POLN: variants seen among roughly 807,000 people sequenced by gnomAD.
The protein encoded by POLN is DNA polymerase nu.
In POLN, 108 loss-of-function variants were observed where a neutral mutation model predicts 113.5. The ratio of observed to expected loss-of-function variants is 0.95; its 90% CI spans 0.81 to 1.12. The LOEUF (loss-of-function observed/expected upper bound fraction) is 1.12. Ranked by LOEUF, POLN falls within the 50% of genes most tolerant of loss-of-function variation. The probability of loss-of-function intolerance (pLI) is 0.00; values close to 1 mark genes in which losing one functional copy is unlikely to be tolerated. For synonymous variants in POLN, 386 were observed against 391.5 expected, an observed-to-expected ratio of 0.99 and a Z score of 0.17; for missense variants, 1,097 against 1,077.1, an observed-to-expected ratio of 1.02 and a Z score of -0.26.
At chr4:2,072,688 T>C (rs1197380818) in intron 25 of POLN, among the ~76,000 whole-genome samples, 1 of 152,090 alleles carries the variant, frequency 6.6e-6, no homozygotes, top group Non-Finnish European at 1.5e-5. Context: ...AGGAGAGCCC[T>C]CCCGGGGGTC....
chr4:2,232,093 A>G (rs1229580497), intron 2 of POLN: 6 of 1,604,646 alleles, frequency 3.7e-6, no homozygotes, highest in South Asian at 1.1e-5. Context: ...ATCAGCAAGA[A>G]TATCAGTGAG....
chr4:2,074,451 TG>T (rs1182238062), intron 24 of POLN, among the ~76,000 whole-genome samples: 1 of 152,242 alleles, frequency 6.6e-6, no homozygotes, highest in Non-Finnish European at 1.5e-5. Context: ...CAAGGCCGTT[TG>T]GGAACGTTTT....
intron 13 of POLN, among the ~76,000 whole-genome samples, chr4:2,165,000 C>T (rs1431034259): frequency 2.0e-5 from 3 of 151,922 alleles, no homozygotes; most frequent in African/African-American, 7.3e-5. Flanking sequence ...GGTGCAGCTA[C>T]CCAGGAAGAC....
chr4:2,104,187 C>G (rs1730992757), intron 19 of POLN, among the ~76,000 whole-genome samples: 1 of 152,142 alleles, frequency 6.6e-6, no homozygotes, highest in African/African-American at 2.4e-5. Context: ...ATGACAGGAA[C>G]AAAACCTCAC....
At chr4:2,199,481 C>G (rs974968223) in intron 5 of POLN, among the ~76,000 whole-genome samples, 1 of 151,860 alleles carries the variant, frequency 6.6e-6, no homozygotes, top group Non-Finnish European at 1.5e-5. Flanking sequence ...GGGTGGGTGG[C>G]GAGAGAACAC....
At chr4:2,201,307 G>C (rs61792574) in intron 5 of POLN, among the ~76,000 whole-genome samples, 2 of 89,984 alleles carry the variant, frequency 2.2e-5, no homozygotes, top group South Asian at 3.2e-4. Context: ...AAAAAAACGA[G>C]GGGAGAAATT....
At chr4:2,181,122 G>A (rs1276462253) in intron 7 of POLN, among the ~76,000 whole-genome samples, 1 of 151,534 alleles carries the variant, frequency 6.6e-6, no homozygotes, top group Non-Finnish European at 1.5e-5. Context: ...AAAGAATTAA[G>A]GAAAGGGAAT....
At chr4:2,181,163 G>C (rs553189382) in intron 7 of POLN, among the ~76,000 whole-genome samples, 4 of 151,950 alleles carry the variant, frequency 2.6e-5, no homozygotes, top group South Asian at 4.1e-4. Flanking sequence ...TTGTTTTTTT[G>C]AGATGGAGTC....
rs35467991 is a variant in POLN at position 2,093,472 on chromosome 4, G to A, written c.2065+2379C>T. Among the ~76,000 whole-genome samples, 1,117 of 152,328 alleles carry A rather than the reference G, an allele frequency of 7.3e-3. 4 individuals carry two copies. Among genetic ancestry groups the A allele is most frequent in the Non-Finnish European group, 0.012 (810 of 68,022 alleles). On this transcript the variant is annotated intron_variant, in intron 20 of 25. Coordinates refer to ENST00000511885, the MANE Select transcript of POLN (RefSeq NM_181808.4). This position sits in a 1 kb window ranked among gnomAD's most constrained non-coding sequence, Gnocchi z 4.1. ...CCAGGAGGAGATGGCACAGGGAGGC[G>A]GAGGGCCTTGCACAAGGCCACACAG... is the stretch of plus-strand genomic sequence containing the variant.
intron 8 of POLN, among the ~76,000 whole-genome samples, chr4:2,179,049 C>A (rs1452435382): frequency 1.3e-5 from 2 of 152,164 alleles, no homozygotes; most frequent in Non-Finnish European, 2.9e-5. Flanking sequence ...GCAGGTGACA[C>A]TGACATCAGA....
Position 2,220,482 on chromosome 4 carries a change from G to A in POLN, c.134-7356C>T, listed in dbSNP as rs575258019. On this transcript the variant is annotated intron_variant, in intron 3 of 25. Coordinates refer to ENST00000511885, the MANE Select transcript of POLN (RefSeq NM_181808.4). ...GGGTTCCCACTTGCCAGACTGACTG[G>A]CACTTCAGCCAACTTCTTGGCCACC... is the stretch of plus-strand genomic sequence containing the variant. Among the ~76,000 whole-genome samples the A allele has an allele frequency of 1.2e-4, 19 of 152,328 alleles. No homozygotes were observed. In the South Asian group the frequency reaches 3.5e-3, roughly 28 times the overall value.
intron 3 of POLN, among the ~76,000 whole-genome samples, chr4:2,215,354 G>A (rs111967332): frequency 3.3e-4 from 50 of 152,144 alleles, no homozygotes; most frequent in African/African-American, 1.2e-3. Context: ...CATAACACTC[G>A]GGTACCCTGG....
At chr4:2,236,337 G>A (rs775857869) in intron 2 of POLN, 13 of 1,612,520 alleles carry the variant, frequency 8.1e-6, no homozygotes, top group Non-Finnish European at 1.0e-5. Flanking sequence ...AGCAGATACT[G>A]CCAACTGATC....
intron 2 of POLN, chr4:2,240,377 A>T: frequency 6.2e-7 from 1 of 1,607,612 alleles, no homozygotes; most frequent in Admixed American, 1.7e-5. Flanking sequence ...ATACCAGTGG[A>T]TTTGTCCCTT....
intron 5 of POLN, among the ~76,000 whole-genome samples, chr4:2,202,957 C>A (rs1242486585): frequency 6.6e-6 from 1 of 152,016 alleles, no homozygotes; most frequent in African/African-American, 2.4e-5. Context: ...AGAAAGTCAA[C>A]AAAGAAACAA....
In POLN at chr4:2,240,359, C is replaced by T. The variant is rs149074489; in HGVS notation, c.-13+1161G>A. On this transcript the variant is annotated intron_variant, in intron 2 of 25. Coordinates refer to ENST00000511885, the MANE Select transcript of POLN (RefSeq NM_181808.4). The stretch of plus-strand genomic sequence containing the variant: ...TTAGGTATTTTTCCAAGGAAAATTG[C>T]GATAAAAATACCAGTGGATTTGTCC... 44 of 1,602,038 alleles carry T rather than the reference C, an allele frequency of 2.7e-5. No homozygotes were observed. In the Admixed American group the frequency reaches 3.3e-4, roughly 12 times the overall value.
chr4:2,193,101 C>G, intron 7 of POLN, 103 bp downstream of exon 7: 1 of 850,186 alleles, frequency 1.2e-6, no homozygotes, highest in South Asian at 1.6e-5. Flanking sequence ...TGGCCAGGTC[C>G]TCCAGGAGTT....
chr4:2,153,775 G>A (rs998746515), intron 16 of POLN, among the ~76,000 whole-genome samples: 5 of 151,892 alleles, frequency 3.3e-5, no homozygotes, highest in Middle Eastern at 3.4e-3. Flanking sequence ...TAGCAGAGAC[G>A]GGGTTTCACT....
Position 2,208,104 on chromosome 4 carries a change from A to G in POLN, c.597T>C (p.Asp199=). The G allele has an allele frequency of 6.2e-7, 1 of 1,614,204 alleles. No homozygotes were observed. The highest frequency in any genetic ancestry group is 1.6e-4 in the Middle Eastern group (1 of 6,062). Residue 199 remains aspartate, a synonymous_variant, in exon 5 of 26, where the codon GAT becomes GAC. Transcript: ENST00000511885. ...TTGCCCAATCATCCAAATGCCTAAT[A>G]TCACAAAAATGTTTTTTCAATGCTC... ...NSGALKKHFC[D]IRHLDDWAKS...
Sources: gnomAD v4.1 joint callset for allele counts (sites outside exome capture counted in the v4.1 genomes callset) on GRCh38, gnomAD v4.1.1 for gene constraint, Gnocchi (gnomAD v3.1) non-coding constraint, MANE v1.5 for transcripts, NCBI Gene and HGNC (gene_info 2026-07-23, HGNC 2026-07-21) for gene names.